LRP1B: variants seen among roughly 807,000 people sequenced by gnomAD.
The protein encoded by LRP1B is low-density lipoprotein receptor-related protein 1B.
A neutral mutation model predicts 556.6 loss-of-function variants in LRP1B; 217 were observed. That is an observed-to-expected ratio of 0.39 (90% CI 0.35 to 0.44). The LOEUF is 0.44. Ranked by LOEUF, LRP1B falls within the 20% of genes least tolerant of loss-of-function variation. LRP1B has a pLI of 1.00. For synonymous variants in LRP1B, 2,047 were observed against 1,865.8 expected, an observed-to-expected ratio of 1.10 and a Z score of -2.50; for missense variants, 5,053 against 5,620.8, an observed-to-expected ratio of 0.90 and a Z score of 3.23.
chr2:141,996,853 A>G (rs1559011457), intron 1 of LRP1B, among the ~76,000 whole-genome samples: 3 of 152,174 alleles, frequency 2.0e-5, no homozygotes, highest in African/African-American at 7.2e-5. Context: ...AGAGAGAGAA[A>G]AGTAAATCAC....
chr2:141,084,702 T>G lies in LRP1B; in HGVS notation c.1014-22429A>C, dbSNP rs557519830. Among the ~76,000 whole-genome samples, 100 of 150,674 alleles carry G rather than the reference T, an allele frequency of 6.6e-4. 2 individuals are homozygous for G. Among genetic ancestry groups the G allele is most frequent in the African/African-American group, 2.4e-3 (98 of 41,026 alleles). On this transcript the variant is annotated intron_variant, in intron 7 of 90. Coordinates refer to ENST00000389484, the MANE Select transcript of LRP1B (RefSeq NM_018557.3). ...TCTCGCTCTGTCCCCCAGACTGGAGTGCAGTGGTGCGATCTCGGCTCACTG... is the reference window on the plus strand; with the variant it reads ...TCTCGCTCTGTCCCCCAGACTGGAGGGCAGTGGTGCGATCTCGGCTCACTG...
chr2:142,050,135 TTC>T (rs1388076697), intron 1 of LRP1B, among the ~76,000 whole-genome samples: 1 of 152,162 alleles, frequency 6.6e-6, no homozygotes, highest in East Asian at 1.9e-4. Flanking sequence ...TAATTAAGTA[TTC>T]TCTTTCTATG....
At chr2:142,016,895 T>TAC (rs534779678) in intron 1 of LRP1B, among the ~76,000 whole-genome samples, 2 of 149,070 alleles carry the variant, frequency 1.3e-5, no homozygotes, top group African/African-American at 4.9e-5. Context: ...TATATGTATA[T>TAC]ACACACACAT....
intron 43 of LRP1B, among the ~76,000 whole-genome samples, chr2:140,595,206 G>T (rs1225395497): frequency 6.9e-6 from 1 of 145,024 alleles, no homozygotes; most frequent in African/African-American, 2.6e-5. Flanking sequence ...TGTTATAGCA[G>T]CTTGAATGGA....
At chr2:140,789,444 A>G (rs1384033965) in intron 32 of LRP1B, among the ~76,000 whole-genome samples, 1 of 152,014 alleles carries the variant, frequency 6.6e-6, no homozygotes, top group African/African-American at 2.4e-5. Flanking sequence ...ACTAGGTTCT[A>G]TAACTCCTCT....
At chr2:141,141,624 C>A (rs1385379832) in intron 7 of LRP1B, among the ~76,000 whole-genome samples, 1 of 152,090 alleles carries the variant, frequency 6.6e-6, no homozygotes, top group Non-Finnish European at 1.5e-5. Context: ...TTACCACATC[C>A]TTAATAAACT....
rs760335974 is a variant in LRP1B, at chr2:141,254,600, A to C, written c.385T>G (p.Cys129Gly). 6.2e-7 allele frequency: 1 copy of C among 1,611,374 alleles called. No homozygotes were observed. The highest frequency in any genetic ancestry group is 1.7e-5 in the Admixed American group (1 of 59,826). The change falls in exon 4 of 91, where the codon TGT (cysteine) becomes GGT (glycine). Residue 129 changes from cysteine to glycine, a missense_variant. Cys to Gly is a radical substitution (Grantham distance 159). Coordinates refer to ENST00000389484, the MANE Select transcript of LRP1B (RefSeq NM_018557.3). The part of the protein sequence containing the change: ...NCQQLNCQYK[C>G]TMVRNSTRCY... ...CTTGTACTATTTCTGACCATTGTAC[A>C]TTTATACTGACAATTCAGCTGTTGG...
chr2:141,825,598 G>T (rs931073521), intron 1 of LRP1B, among the ~76,000 whole-genome samples: 1 of 152,150 alleles, frequency 6.6e-6, no homozygotes, highest in Non-Finnish European at 1.5e-5. Flanking sequence ...TGTGATGGGG[G>T]ACAGAGGTCT....
chr2:142,093,861 T>G (rs1339233226), intron 1 of LRP1B, among the ~76,000 whole-genome samples: 1 of 152,060 alleles, frequency 6.6e-6, no homozygotes, highest in Non-Finnish European at 1.5e-5. Context: ...GGCAATACAC[T>G]TCTCCTTTTA....
rs186528407 is a variant in LRP1B at position 141,064,286 on chromosome 2, T to A, written c.1014-2013A>T. The stretch of plus-strand genomic sequence containing the variant: ...TCACTGAATCTGATATTCAGTAAAA[T>A]ACTAGTAATTTTTGCCACTTGTGTT... On this transcript the variant is annotated intron_variant, in intron 7 of 90. Transcript: ENST00000389484. Among the ~76,000 whole-genome samples the A allele has an allele frequency of 1.3e-3, 201 of 151,998 alleles. 1 individual carries two copies. The highest frequency in any genetic ancestry group is 3.9e-3 in the African/African-American group (163 of 41,518).
intron 86 of LRP1B, among the ~76,000 whole-genome samples, chr2:140,265,591 C>G (rs1316195958): frequency 1.3e-5 from 2 of 152,046 alleles, no homozygotes; most frequent in Non-Finnish European, 2.9e-5. Flanking sequence ...AAGTTTTGCA[C>G]AGTTCAAATA....
intron 7 of LRP1B, among the ~76,000 whole-genome samples, chr2:141,111,873 G>A (rs750799606): frequency 5.3e-5 from 8 of 151,690 alleles, no homozygotes; most frequent in South Asian, 2.1e-4. Context: ...GTGAAACCCC[G>A]TCTCTACCAA....
chr2:141,249,433 C>A (rs1684183727), intron 4 of LRP1B, among the ~76,000 whole-genome samples: 1 of 152,090 alleles, frequency 6.6e-6, no homozygotes, highest in African/African-American at 2.4e-5. Flanking sequence ...CCTTTCTCCA[C>A]TAAAAATACA....
At chr2:140,677,542 A>G (rs1238416967) in intron 41 of LRP1B, among the ~76,000 whole-genome samples, 2 of 152,098 alleles carry the variant, frequency 1.3e-5, no homozygotes, top group African/African-American at 4.8e-5. Context: ...ATGACTGAAA[A>G]ATGGAAGTAG....
At chr2:141,174,128 A>C (rs1244464369) in intron 7 of LRP1B, among the ~76,000 whole-genome samples, 1 of 152,058 alleles carries the variant, frequency 6.6e-6, no homozygotes, top group Non-Finnish European at 1.5e-5. Flanking sequence ...AAAGTCCAAG[A>C]CTCCAAATCT....
At chr2:141,431,166 T>TAAATAAATAAATAAATAAAA (rs1680548742) in intron 3 of LRP1B, among the ~76,000 whole-genome samples, 1 of 150,064 alleles carries the variant, frequency 6.7e-6, no homozygotes, top group South Asian at 2.1e-4. Context: ...AATAAATAAA[T>TAAATAAATAAATAAATAAAA]GAAATAGATT....
At chr2:141,492,484 T>C (rs1163381869) in intron 2 of LRP1B, among the ~76,000 whole-genome samples, 1 of 152,152 alleles carries the variant, frequency 6.6e-6, no homozygotes, top group Non-Finnish European at 1.5e-5. Flanking sequence ...AGATCTGGCA[T>C]ATTTATCAAA....
chr2:141,809,004 C>T (rs547207799), intron 2 of LRP1B, among the ~76,000 whole-genome samples: 17 of 152,116 alleles, frequency 1.1e-4, no homozygotes, highest in African/African-American at 3.9e-4. Context: ...TCCTATGAAC[C>T]TTTTATCTTT....
At chr2:140,524,797 G>A (rs1690356762) in intron 49 of LRP1B, among the ~76,000 whole-genome samples, 1 of 151,780 alleles carries the variant, frequency 6.6e-6, no homozygotes, top group Non-Finnish European at 1.5e-5. Context: ...ACTCCAAAAG[G>A]GGAGAGGGAG....
Sources: gnomAD v4.1 joint callset for allele counts (sites outside exome capture counted in the v4.1 genomes callset) on GRCh38, gnomAD v4.1.1 for gene constraint, MANE v1.5 for transcripts, NCBI Gene and HGNC (gene_info 2026-07-23, HGNC 2026-07-21) for gene names.